Variants in PLD5 observed in about 807,000 individuals in gnomAD.
The protein encoded by PLD5 is inactive phospholipase D5.
Under a neutral mutation model 61.1 loss-of-function variants are expected in PLD5, and 36 were observed. The observed-to-expected ratio is 0.59, with a 90% confidence interval of 0.45 to 0.78. The LOEUF is 0.78. Among genes scored for constraint, PLD5 ranks in the 30% least tolerant of loss-of-function variants. The pLI, the probability that PLD5 is intolerant of heterozygous loss-of-function variation, is 0.00. For missense variants in PLD5, 515 were observed against 644.4 expected (o/e 0.80, Z 2.17); for synonymous variants, 243 against 242.8 (o/e 1.00, Z -0.01).
chr1:242,089,962 G>C lies in PLD5; in HGVS notation c.1503C>G (p.Thr501=). The C allele has an allele frequency of 6.2e-7, 1 of 1,614,182 alleles. No homozygotes were observed. ...ERDWYSPYAK[T]LQPTKQPNCS... is the part of the protein sequence containing the mutation. Reference sequence around the variant, plus strand: ...AGTTCGGCTGTTTGGTTGGCTGTAAGGTTTTGGCATACGGTGAATACCAGT... The same window carrying C: ...AGTTCGGCTGTTTGGTTGGCTGTAACGTTTTGGCATACGGTGAATACCAGT... Residue 501 remains threonine (T), a synonymous_variant, in exon 10 of 10, where the codon ACC becomes ACG. Coordinates refer to ENST00000536534, the MANE Select transcript of PLD5 (RefSeq NM_001372062.1).
intron 1 of PLD5, among the ~76,000 whole-genome samples, chr1:242,431,174 T>C (rs1665696241): frequency 6.6e-6 from 1 of 152,188 alleles, no homozygotes; most frequent in Non-Finnish European, 1.5e-5. Flanking sequence ...CACCCAGAAC[T>C]CATTTTGTCA....
At chr1:242,148,878 A>G (rs1437123827) in intron 5 of PLD5, among the ~76,000 whole-genome samples, 1 of 151,962 alleles carries the variant, frequency 6.6e-6, no homozygotes, top group Admixed American at 6.6e-5. Flanking sequence ...CTTATATCAT[A>G]AAACTGTTCT....
At chr1:242,289,708 G>A (rs1675247583) in intron 2 of PLD5, among the ~76,000 whole-genome samples, 1 of 152,130 alleles carries the variant, frequency 6.6e-6, no homozygotes, top group Admixed American at 6.5e-5. Context: ...CCTGTTAGGT[G>A]CTTCCAGAAC....
At chr1:242,392,839 G>T (rs1373417201) in intron 1 of PLD5, among the ~76,000 whole-genome samples, 2 of 152,142 alleles carry the variant, frequency 1.3e-5, no homozygotes, top group Non-Finnish European at 2.9e-5. Flanking sequence ...GGTACATTTT[G>T]CTTCCATTAT....
chr1:242,224,108 T>A (rs940850762), intron 4 of PLD5, among the ~76,000 whole-genome samples: 1 of 152,226 alleles, frequency 6.6e-6, no homozygotes, highest in East Asian at 1.9e-4. Context: ...ACTGCATTTA[T>A]GTGCATAACC....
intron 1 of PLD5, among the ~76,000 whole-genome samples, chr1:242,458,776 A>G (rs1239934697): frequency 2.0e-5 from 3 of 152,188 alleles, no homozygotes; most frequent in Non-Finnish European, 4.4e-5. Flanking sequence ...CCTTTAATCA[A>G]TATCATAGTA....
chr1:242,433,197 T>A (rs1225102532), intron 1 of PLD5, among the ~76,000 whole-genome samples: 1 of 152,212 alleles, frequency 6.6e-6, no homozygotes, highest in Non-Finnish European at 1.5e-5. Flanking sequence ...CAAGGCTCAA[T>A]AGAGGGTTTT....
chr1:242,129,164 C>G (rs1342843742), intron 5 of PLD5, among the ~76,000 whole-genome samples: 2 of 151,810 alleles, frequency 1.3e-5, no homozygotes, highest in African/African-American at 4.9e-5. Flanking sequence ...TTTAATAACT[C>G]TATTCTAAAC....
chr1:242,218,222 A>G (rs1437467277), intron 5 of PLD5, among the ~76,000 whole-genome samples: 1 of 152,200 alleles, frequency 6.6e-6, no homozygotes, highest in Admixed American at 6.5e-5. Flanking sequence ...AAAATCTTAC[A>G]TCTGCATCTG....
intron 1 of PLD5, among the ~76,000 whole-genome samples, chr1:242,426,713 T>C (rs1665447818): frequency 6.6e-6 from 1 of 152,222 alleles, no homozygotes; most frequent in Non-Finnish European, 1.5e-5. Flanking sequence ...TAAGCAATAA[T>C]TAAGAAGTAC....
At chr1:242,495,625 G>A (rs1204999784) in intron 1 of PLD5, among the ~76,000 whole-genome samples, 3 of 152,120 alleles carry the variant, frequency 2.0e-5, no homozygotes, top group Non-Finnish European at 4.4e-5. Flanking sequence ...ACAAATAAGT[G>A]GGTGAAGAAT....
rs140862745 is a variant in PLD5 at position 242,290,353 on chromosome 1, G to C, written c.327-1823C>G. On this transcript the variant is annotated intron_variant, in intron 2 of 9. Transcript: ENST00000536534. The stretch of plus-strand genomic sequence containing the variant: ...GAGTTGGAAGAGAAAGATATTCTAG[G>C]AGGAGTTTGTAAAACATAGCATGTC... Among the ~76,000 whole-genome samples the C allele has an allele frequency of 1.7e-3, 255 of 151,704 alleles. 3 individuals carry two copies. The highest frequency in any genetic ancestry group is 3.4e-3 in the Middle Eastern group (1 of 294).
rs1394799784 is a variant in PLD5, at chr1:242,394,743, T to A, written c.190-46501A>T. ...ATATGTGAACATATATGTGTATATA[T>A]GTGAACATATATGTGTATATATGTG... On this transcript the variant is annotated intron_variant, in intron 1 of 9. Transcript: ENST00000536534. Among the ~76,000 whole-genome samples the A allele has an allele frequency of 2.6e-5, 2 of 76,974 alleles. 1 individual carries two copies. Among genetic ancestry groups the A allele is most frequent in the African/African-American group, 1.2e-4 (2 of 17,118 alleles). The allele number at this position is 76,974 out of a possible 152,430, so 50.5% of individuals were successfully genotyped here.
rs760794546 is a variant in PLD5 at position 242,265,404 on chromosome 1, A to G, written c.540T>C (p.Asn180=). The G allele has an allele frequency of 1.2e-6, 2 of 1,612,710 alleles. No individual in the cohort carries two copies. Among genetic ancestry groups the G allele is most frequent in the East Asian group, 2.2e-5 (1 of 44,812 alleles). The change falls in exon 4 of 10, where the codon AAT becomes AAC. Residue 180 remains asparagine (N), a synonymous_variant. Coordinates refer to ENST00000536534, the MANE Select transcript of PLD5 (RefSeq NM_001372062.1). ...CATCACTCACTAGCTTGATTTCAAT[A>G]TTTTGCGAAGTCAGCTGGAGCAACT... The part of the protein sequence containing the change: ...FEKLLQLTSQ[N]IEIKLVSDVT...
chr1:242,256,908 C>CT lies in PLD5; in HGVS notation c.607+8428_607+8429insA, dbSNP rs1673079285. Among the ~76,000 whole-genome samples the CT allele has an allele frequency of 6.7e-6, 1 of 149,614 alleles. No individual in the cohort carries two copies. The highest frequency in any genetic ancestry group is 1.5e-5 in the Non-Finnish European group (1 of 67,418). On this transcript the variant is annotated intron_variant, in intron 4 of 9. Transcript: ENST00000536534. This position sits in a 1 kb window ranked among gnomAD's most constrained non-coding sequence, Gnocchi z 5.7. ...TCCCTCTTCTTTCTCTTTCTTTTTT[C>CT]ATCTATCTATCTATCTATCTATCTA...
chr1:242,151,976 C>T lies in PLD5; in HGVS notation c.736-27311G>A, dbSNP rs144926863. Among the ~76,000 whole-genome samples the T allele has an allele frequency of 2.6e-3, 393 of 152,096 alleles. 4 individuals are homozygous for T. The highest frequency in any genetic ancestry group is 9.1e-3 in the African/African-American group (377 of 41,470). ...GAAAATCTATAGTATAAAATCCACACCTAGAATATTGACATTCACACATTC... is the reference window on the plus strand; with the variant it reads ...GAAAATCTATAGTATAAAATCCACATCTAGAATATTGACATTCACACATTC... On this transcript the variant is annotated intron_variant, in intron 5 of 9. Transcript: ENST00000536534.
intron 5 of PLD5, among the ~76,000 whole-genome samples, chr1:242,141,675 C>T (rs1330067300): frequency 6.6e-6 from 1 of 152,186 alleles, no homozygotes; most frequent in African/African-American, 2.4e-5. Flanking sequence ...CAAGCAAGCT[C>T]TCAGTAGCAA....
At chr1:242,353,595 T>C (rs1020148284) in intron 1 of PLD5, among the ~76,000 whole-genome samples, 1 of 152,160 alleles carries the variant, frequency 6.6e-6, no homozygotes, top group African/African-American at 2.4e-5. Flanking sequence ...TTGCAATAAA[T>C]CTGTAAATTT....
At chr1:242,100,162 T>G (rs1255828577) in intron 9 of PLD5, among the ~76,000 whole-genome samples, 4 of 152,214 alleles carry the variant, frequency 2.6e-5, no homozygotes, top group African/African-American at 9.6e-5. Flanking sequence ...ATCTTACAGA[T>G]GAGAAAACTG....
Sources: allele counts gnomAD v4.1 joint callset (sites outside exome capture counted in the v4.1 genomes callset), GRCh38; gene constraint gnomAD v4.1.1; non-coding constraint Gnocchi (gnomAD v3.1); transcripts MANE v1.5; gene names NCBI Gene and HGNC (gene_info 2026-07-23, HGNC 2026-07-21).